The following ANKRD45 variants were observed in gnomAD, a reference collection of about 807,000 sequenced individuals.
The protein encoded by ANKRD45 is ankyrin repeat domain 45.
In ANKRD45, 21 loss-of-function variants were observed where a neutral mutation model predicts 28.1. The ratio of observed to expected loss-of-function variants is 0.75; its 90% CI spans 0.53 to 1.08. The LOEUF is 1.08. Ranked by LOEUF, ANKRD45 falls within the 50% of genes least tolerant of loss-of-function variation. The pLI is 0.00. For missense variants in ANKRD45, 261 were observed against 308.7 expected (o/e 0.85, Z 1.16); for synonymous variants, 86 against 103.9 (o/e 0.83, Z 1.05).
At chr1:173,687,776 C>T in the ANKRD45 span, among the ~76,000 whole-genome samples, 1 of 152,052 alleles carries the variant, frequency 6.6e-6, no homozygotes, top group Non-Finnish European at 1.5e-5. Context: ...AGGTAATTTT[C>T]CTAACTCTGC....
intron 3 of ANKRD45, among the ~76,000 whole-genome samples, chr1:173,634,486 A>G (rs1391342987): frequency 6.6e-6 from 1 of 151,860 alleles, no homozygotes; most frequent in East Asian, 1.9e-4. Flanking sequence ...TGCTTACACA[A>G]AATGTCTTTG....
chr1:173,682,605 GA>G, the ANKRD45 span, among the ~76,000 whole-genome samples: 1 of 145,768 alleles, frequency 6.9e-6, no homozygotes, highest in East Asian at 2.0e-4. Flanking sequence ...CAACTGAGAA[GA>G]AAAAAAAGCT....
At chr1:173,712,735 G>GA in the ANKRD45 span, among the ~76,000 whole-genome samples, 1 of 152,042 alleles carries the variant, frequency 6.6e-6, no homozygotes, top group Admixed American at 6.6e-5. Flanking sequence ...TCCATCTGCA[G>GA]AAAAAAATGT....
At chr1:173,701,479 C>T in the ANKRD45 span, among the ~76,000 whole-genome samples, 1 of 152,166 alleles carries the variant, frequency 6.6e-6, no homozygotes, top group African/African-American at 2.4e-5. Context: ...CCATGGAATA[C>T]TATGCAGCCA....
the ANKRD45 span, among the ~76,000 whole-genome samples, chr1:173,687,842 A>G: frequency 2.0e-5 from 3 of 152,218 alleles, no homozygotes; most frequent in African/African-American, 7.2e-5. Context: ...TCTTCCCTCA[A>G]TCACCTGGGA....
At position 173,659,245 on chromosome 1, in the gene ANKRD45, AG is replaced by A; in HGVS notation, c.173del (p.Pro58LeufsTer14). On this transcript the variant is annotated frameshift_variant, in exon 2 of 6. Transcript: ENST00000333279. LOFTEE classifies it high-confidence loss of function. ...TGGCCTGTTCATGATGAGGATTCTC[AG>A]GATCCTCAAATATCTTCTGCAAACC... Reference protein sequence around the residue: ...VEGLQKIFEDPENPHHEQAMQ... With the variant: ...VEGLQKIFEDXENPHHEQAMQ... 1 of 1,614,088 alleles carries A rather than the reference AG, an allele frequency of 6.2e-7. No homozygotes were observed. Among genetic ancestry groups the A allele is most frequent in the Non-Finnish European group, 8.5e-7 (1 of 1,180,010 alleles).
chr1:173,616,282 G>A (rs1006510919), intron 5 of ANKRD45, among the ~76,000 whole-genome samples: 1 of 151,910 alleles, frequency 6.6e-6, no homozygotes, highest in African/African-American at 2.4e-5. Context: ...AATGTTCAGG[G>A]GCAGGTCCAG....
At chr1:173,638,605 G>A (rs1343312767) in intron 3 of ANKRD45, among the ~76,000 whole-genome samples, 1 of 152,136 alleles carries the variant, frequency 6.6e-6, no homozygotes, top group African/African-American at 2.4e-5. Flanking sequence ...GTAAGACAGG[G>A]AAGATAAACA....
At chr1:173,642,073 TA>T (rs1019118767) in intron 3 of ANKRD45, among the ~76,000 whole-genome samples, 2 of 152,204 alleles carry the variant, frequency 1.3e-5, no homozygotes, top group Non-Finnish European at 2.9e-5. Context: ...TTCCTAATAA[TA>T]CTACCCCTGA....
the ANKRD45 span, among the ~76,000 whole-genome samples, chr1:173,711,293 C>G: frequency 2.0e-5 from 3 of 152,158 alleles, no homozygotes; most frequent in African/African-American, 7.2e-5. Flanking sequence ...CTCAGGAGAT[C>G]CTGATGACAT....
At chr1:173,703,354 C>T in the ANKRD45 span, among the ~76,000 whole-genome samples, 2 of 152,150 alleles carry the variant, frequency 1.3e-5, no homozygotes, top group Middle Eastern at 3.4e-3. Context: ...CAGGCGCCTG[C>T]CACCACACCT....
At chr1:173,667,274 T>C (rs1670064639) in intron 1 of ANKRD45, among the ~76,000 whole-genome samples, 1 of 152,174 alleles carries the variant, frequency 6.6e-6, no homozygotes, top group Non-Finnish European at 1.5e-5. Flanking sequence ...CCCCCTGCCA[T>C]TTTCCATTAT....
chr1:173,703,227 G>A, the ANKRD45 span, among the ~76,000 whole-genome samples: 6 of 146,794 alleles, frequency 4.1e-5, no homozygotes, highest in East Asian at 2.0e-4. Context: ...TTTTTGAGAC[G>A]GAGTCTTGCT....
intron 1 of ANKRD45, among the ~76,000 whole-genome samples, chr1:173,661,297 G>A (rs1396361492): frequency 6.6e-6 from 1 of 152,146 alleles, no homozygotes; most frequent in Non-Finnish European, 1.5e-5. Flanking sequence ...TCAAGAATGG[G>A]CAAGACTGTC....
At chr1:173,632,654 T>C (rs538351749) in intron 3 of ANKRD45, among the ~76,000 whole-genome samples, 7 of 152,086 alleles carry the variant, frequency 4.6e-5, no homozygotes, top group Admixed American at 4.6e-4. Context: ...AGACCATTCA[T>C]CATGACTATC....
intron 5 of ANKRD45, among the ~76,000 whole-genome samples, chr1:173,621,466 G>A (rs192879456): frequency 2.3e-3 from 347 of 152,302 alleles, no homozygotes; most frequent in Non-Finnish European, 2.5e-3. Flanking sequence ...TCATGATCAA[G>A]TTGGCTTCAT....
chr1:173,668,906 T>C (rs978466596), intron 1 of ANKRD45, among the ~76,000 whole-genome samples: 3 of 152,214 alleles, frequency 2.0e-5, no homozygotes, highest in Non-Finnish European at 4.4e-5. Context: ...ATTGCTTTAG[T>C]CTTGATTCTG....
chr1:173,692,509 C>T, the ANKRD45 span, among the ~76,000 whole-genome samples: 2 of 152,140 alleles, frequency 1.3e-5, no homozygotes, highest in South Asian at 4.2e-4. Flanking sequence ...GGCAGATTTG[C>T]CCTAAGCAGT....
chr1:173,628,838 C>T (rs1451352964), intron 3 of ANKRD45, among the ~76,000 whole-genome samples: 5 of 152,212 alleles, frequency 3.3e-5, no homozygotes, highest in African/African-American at 7.2e-5. Context: ...GACCCAGTGC[C>T]ATGCTGGCTT....
Sources: allele counts gnomAD v4.1 joint callset (sites outside exome capture counted in the v4.1 genomes callset), GRCh38; gene constraint gnomAD v4.1.1; transcripts MANE v1.5; gene names NCBI Gene and HGNC (gene_info 2026-07-23, HGNC 2026-07-21).